Variants in KIF6 observed in about 807,000 individuals in gnomAD.
The protein encoded by KIF6 is kinesin family member 6.
Under a neutral mutation model 112.7 loss-of-function variants are expected in KIF6, and 106 were observed. That is an observed-to-expected ratio of 0.94 (90% confidence interval 0.80 to 1.11). KIF6 has a LOEUF of 1.11. Ranked by LOEUF, KIF6 falls within the 50% of genes least tolerant of loss-of-function variation. The pLI is 0.00. For synonymous variants in KIF6, 339 were observed against 339.9 expected, an observed-to-expected ratio of 1.00 and a Z score of 0.03; for missense variants, 929 against 964.0, an observed-to-expected ratio of 0.96 and a Z score of 0.48.
At chr6:39,401,706 A>G (rs1768715894) in intron 15 of KIF6, among the ~76,000 whole-genome samples, 1 of 152,012 alleles carries the variant, frequency 6.6e-6, no homozygotes, top group Non-Finnish European at 1.5e-5. Flanking sequence ...GGGAGTGGGT[A>G]GTGCTAGCAG....
In KIF6 at chr6:39,622,684, G is replaced by A. The variant is rs116321076; in HGVS notation, c.510-9366C>T. On this transcript the variant is annotated intron_variant, in intron 5 of 22. Coordinates refer to ENST00000287152, the MANE Select transcript of KIF6 (RefSeq NM_145027.6). ...TTTCCCAGATTCTCTTGCAACTAAGGCTGCCCATATCACAAAATTCTGGTC... is the reference window on the plus strand; with the variant it reads ...TTTCCCAGATTCTCTTGCAACTAAGACTGCCCATATCACAAAATTCTGGTC... Among the ~76,000 whole-genome samples the A allele has an allele frequency of 5.8e-3, 885 of 152,266 alleles. 6 individuals are homozygous for A. The highest frequency in any genetic ancestry group is 0.02 in the African/African-American group (837 of 41,570).
At chr6:39,528,646 T>C (rs1215723771) in intron 13 of KIF6, among the ~76,000 whole-genome samples, 1 of 152,250 alleles carries the variant, frequency 6.6e-6, no homozygotes, top group Non-Finnish European at 1.5e-5. Flanking sequence ...TCATCTCTTG[T>C]CTTTTTGATA....
rs1234246240 is a variant in KIF6 at position 39,506,627 on chromosome 6, T to C, written c.1645+33376A>G. Among the ~76,000 whole-genome samples, 7 of 152,066 alleles carry C rather than the reference T, an allele frequency of 4.6e-5. No individual in the cohort carries two copies. The East Asian group carries it at 1.2e-3, about 25-fold the overall frequency. On this transcript the variant is annotated intron_variant, in intron 13 of 22. Coordinates refer to ENST00000287152, the MANE Select transcript of KIF6 (RefSeq NM_145027.6). ...CTGAGTGATAAGGATGCTAGGAACA[T>C]CTTTTGTTCTAATATTTTATTTTTG...
intron 7 of KIF6, among the ~76,000 whole-genome samples, chr6:39,592,724 T>G (rs1782021219): frequency 6.6e-6 from 1 of 152,214 alleles, no homozygotes; most frequent in African/African-American, 2.4e-5. Flanking sequence ...TTGAGGAAAC[T>G]TTTTGGAAAA....
intron 15 of KIF6, among the ~76,000 whole-genome samples, chr6:39,389,132 T>A (rs1767659865): frequency 6.6e-6 from 1 of 152,114 alleles, no homozygotes; most frequent in South Asian, 2.1e-4. Flanking sequence ...CTCTGTGTGG[T>A]ATATGGGTTT....
intron 3 of KIF6, among the ~76,000 whole-genome samples, chr6:39,675,781 A>T (rs1787099732): frequency 2.0e-5 from 3 of 152,092 alleles, no homozygotes; most frequent in African/African-American, 7.2e-5. Flanking sequence ...CAGATAGGAA[A>T]AAAAAATGAC....
chr6:39,511,728 G>A (rs1045627327), intron 13 of KIF6, among the ~76,000 whole-genome samples: 2 of 152,208 alleles, frequency 1.3e-5, no homozygotes, highest in Non-Finnish European at 2.9e-5. Context: ...TTAAGAAAAT[G>A]TGGCACATAT....
chr6:39,391,654 C>T (rs945357552), intron 15 of KIF6, among the ~76,000 whole-genome samples: 5 of 152,232 alleles, frequency 3.3e-5, no homozygotes, highest in South Asian at 4.1e-4. Context: ...AAACGTGTTT[C>T]GTTAAAAATG....
intron 5 of KIF6, among the ~76,000 whole-genome samples, chr6:39,618,422 C>G (rs1229429191): frequency 6.6e-6 from 1 of 152,144 alleles, no homozygotes; most frequent in Non-Finnish European, 1.5e-5. Flanking sequence ...CCCCAGAAAA[C>G]CTGACAAACT....
At chr6:39,340,209 A>G (rs1763249536) in intron 22 of KIF6, among the ~76,000 whole-genome samples, 1 of 152,244 alleles carries the variant, frequency 6.6e-6, no homozygotes, top group African/African-American at 2.4e-5. Context: ...GTCACTGAAA[A>G]GCCAGAATGA....
intron 3 of KIF6, among the ~76,000 whole-genome samples, chr6:39,706,307 C>T (rs1561946577): frequency 1.3e-5 from 2 of 152,262 alleles, no homozygotes; most frequent in African/African-American, 2.4e-5. Flanking sequence ...TTTTTACCTA[C>T]AGTAATAAAA....
At chr6:39,662,601 C>A (rs1786220373) in intron 3 of KIF6, among the ~76,000 whole-genome samples, 1 of 151,994 alleles carries the variant, frequency 6.6e-6, no homozygotes, top group African/African-American at 2.4e-5. Flanking sequence ...AATTCGAAAC[C>A]CAATGTAAGA....
intron 3 of KIF6, among the ~76,000 whole-genome samples, chr6:39,659,286 T>C (rs1484678512): frequency 6.6e-6 from 1 of 152,194 alleles, no homozygotes; most frequent in Admixed American, 6.5e-5. Flanking sequence ...ATAGAAAATA[T>C]ATGTCCTATT....
intron 13 of KIF6, among the ~76,000 whole-genome samples, chr6:39,465,413 C>A (rs969766387): frequency 1.3e-5 from 2 of 152,160 alleles, no homozygotes; most frequent in African/African-American, 4.8e-5. Flanking sequence ...CTGGACTCCT[C>A]CCTTCTCTTC....
intron 13 of KIF6, among the ~76,000 whole-genome samples, chr6:39,524,043 C>G (rs1258540720): frequency 1.3e-5 from 2 of 151,926 alleles, no homozygotes; most frequent in Non-Finnish European, 2.9e-5. Context: ...TTTAGAATAG[C>G]ACAGTACTTC....
intron 13 of KIF6, among the ~76,000 whole-genome samples, chr6:39,452,024 T>C (rs948521013): frequency 2.6e-5 from 4 of 152,208 alleles, no homozygotes; most frequent in African/African-American, 7.2e-5. Context: ...AGCCTGCAGA[T>C]AGGCGGCATC....
chr6:39,465,209 T>C (rs1287685514), intron 13 of KIF6, among the ~76,000 whole-genome samples: 2 of 152,192 alleles, frequency 1.3e-5, no homozygotes, highest in Non-Finnish European at 2.9e-5. Context: ...GCAGCATCAC[T>C]GGCCATAAGG....
Position 39,720,741 on chromosome 6 carries a change from T to C in KIF6, c.137A>G (p.Asp46Gly), listed in dbSNP as rs778447413. The C allele has an allele frequency of 6.2e-7, 1 of 1,609,444 alleles. No homozygotes were observed. Among genetic ancestry groups the C allele is most frequent in the Non-Finnish European group, 8.5e-7 (1 of 1,175,928 alleles). Reference protein sequence around the residue: ...LEIILPRDLADGFVNNKRESY... With the variant: ...LEIILPRDLAGGFVNNKRESY... Reference sequence around the variant, plus strand: ...TTCTCGCTTATTATTCACAAACCCATCTGCCAAATCACGTGGTAAGATGAT... The same window carrying C: ...TTCTCGCTTATTATTCACAAACCCACCTGCCAAATCACGTGGTAAGATGAT... The change falls in exon 2 of 23, where the codon GAT becomes GGT. Residue 46 changes from aspartate (D) to glycine (G), a missense_variant. Transcript: ENST00000287152.
intron 13 of KIF6, among the ~76,000 whole-genome samples, chr6:39,525,808 GATAAATAA>G (rs55659921): frequency 0.12 from 17,519 of 147,544 alleles, 1,157 homozygotes; most frequent in Middle Eastern, 0.19. Context: ...TAACTAAATA[GATAAATAA>G]ATAAATAAAT....
Sources: allele counts gnomAD v4.1 joint callset (sites outside exome capture counted in the v4.1 genomes callset), GRCh38; gene constraint gnomAD v4.1.1; transcripts MANE v1.5; gene names NCBI Gene and HGNC (gene_info 2026-07-23, HGNC 2026-07-21).